LRRC4C: variants seen among roughly 807,000 people sequenced by gnomAD.
LRRC4C encodes leucine-rich repeat-containing protein 4C.
LRRC4C carries 5 observed loss-of-function variants against 33.6 expected under a neutral mutation model. The observed-to-expected ratio is 0.15, with a 90% confidence interval of 0.08 to 0.31. The LOEUF (loss-of-function observed/expected upper bound fraction) is 0.31. Among genes scored for constraint, LRRC4C ranks in the 10% least tolerant of loss-of-function variants. The pLI is 1.00. For synonymous variants in LRRC4C, 329 were observed against 302.0 expected, an observed-to-expected ratio of 1.09 and a Z score of -0.93; for missense variants, 560 against 796.7, an observed-to-expected ratio of 0.70 and a Z score of 3.58.
chr11:40,133,135 G>C (rs1033016581), intron 6 of LRRC4C, among the ~76,000 whole-genome samples: 4 of 152,142 alleles, frequency 2.6e-5, no homozygotes, highest in African/African-American at 9.7e-5. Context: ...TTGATGACTG[G>C]CTGGGAGGAG....
intron 1 of LRRC4C, among the ~76,000 whole-genome samples, chr11:41,403,094 A>C (rs12284206): frequency 0.079 from 12,050 of 152,096 alleles, 1,565 homozygotes; most frequent in African/African-American, 0.27. Flanking sequence ...AGAGTGCTGA[A>C]AACTATGGTG....
At chr11:40,724,059 T>C (rs1433626231) in intron 2 of LRRC4C, among the ~76,000 whole-genome samples, 1 of 151,496 alleles carries the variant, frequency 6.6e-6, no homozygotes, top group Admixed American at 6.6e-5. Flanking sequence ...ACAAGAAAGC[T>C]TAATTATCCT....
chr11:41,072,010 TA>T (rs963123092), intron 1 of LRRC4C, among the ~76,000 whole-genome samples: 5 of 152,098 alleles, frequency 3.3e-5, no homozygotes, highest in Non-Finnish European at 7.4e-5. Flanking sequence ...TGCAATTTCA[TA>T]AAAAAACTTG....
At chr11:41,168,199 A>C (rs879945224) in intron 1 of LRRC4C, among the ~76,000 whole-genome samples, 2 of 152,216 alleles carry the variant, frequency 1.3e-5, no homozygotes, top group Non-Finnish European at 2.9e-5. Context: ...GTGGATACTG[A>C]ATGACCACCA....
chr11:41,349,754 C>T (rs74421985), intron 1 of LRRC4C, among the ~76,000 whole-genome samples: 2,387 of 152,256 alleles, frequency 0.016, 61 homozygotes, highest in African/African-American at 0.053. Context: ...ACTCTAAATG[C>T]CACAGTGTCT....
At chr11:40,391,215 A>C (rs1243081748) in intron 3 of LRRC4C, among the ~76,000 whole-genome samples, 1 of 152,054 alleles carries the variant, frequency 6.6e-6, no homozygotes, top group Non-Finnish European at 1.5e-5. Context: ...TTTCCTTTTA[A>C]TATCTCAAAT....
chr11:40,868,423 C>G lies in LRRC4C; in HGVS notation c.-407+65212G>C, dbSNP rs1035831483. 3.3e-5 allele frequency among the ~76,000 whole-genome samples: 5 copies of G among 152,102 alleles called. No homozygotes were observed. In the South Asian group the frequency reaches 1.0e-3, roughly 31 times the overall value. On this transcript the variant is annotated intron_variant, in intron 2 of 6. Coordinates refer to ENST00000528697, the MANE Select transcript of LRRC4C (RefSeq NM_001258419.2). ...CTGGAAAGTCCTGTTTGTTCTCATT[C>G]CCATGGCAGAAATTCCTCCTACACC...
At chr11:41,013,153 C>T (rs375091374) in intron 1 of LRRC4C, among the ~76,000 whole-genome samples, 37 of 152,216 alleles carry the variant, frequency 2.4e-4, no homozygotes, top group African/African-American at 8.9e-4. Context: ...CGTAAGATTG[C>T]CCAGTGAAAT....
chr11:40,266,412 A>G (rs1230377382), intron 4 of LRRC4C, among the ~76,000 whole-genome samples: 3 of 152,176 alleles, frequency 2.0e-5, no homozygotes, highest in Non-Finnish European at 4.4e-5. Context: ...GGCTGCAGTG[A>G]GTCTTGATTG....
At chr11:40,740,765 A>G (rs1228852641) in intron 2 of LRRC4C, among the ~76,000 whole-genome samples, 3 of 152,054 alleles carry the variant, frequency 2.0e-5, no homozygotes, top group Non-Finnish European at 4.4e-5. Context: ...TTAAGATTTC[A>G]AGTCACAGCT....
chr11:40,897,867 G>A (rs1956018922), intron 2 of LRRC4C, among the ~76,000 whole-genome samples: 1 of 152,072 alleles, frequency 6.6e-6, no homozygotes, highest in African/African-American at 2.4e-5. Context: ...ATCGCTAACT[G>A]GCTACCCCAT....
intron 3 of LRRC4C, among the ~76,000 whole-genome samples, chr11:40,331,786 C>A (rs1946374724): frequency 6.6e-6 from 1 of 152,198 alleles, no homozygotes; most frequent in Non-Finnish European, 1.5e-5. Flanking sequence ...TTGCCCCAAA[C>A]CCTGCCATTC....
At chr11:40,143,379 AT>A (rs1011089202) in intron 5 of LRRC4C, among the ~76,000 whole-genome samples, 9 of 151,666 alleles carry the variant, frequency 5.9e-5, no homozygotes, top group African/African-American at 1.7e-4. Context: ...GCCAGTCATA[AT>A]TTTTTTTTCC....
At chr11:40,698,902 A>T (rs1299867740) in intron 2 of LRRC4C, among the ~76,000 whole-genome samples, 1 of 152,122 alleles carries the variant, frequency 6.6e-6, no homozygotes, top group African/African-American at 2.4e-5. Flanking sequence ...AACCGCCCCT[A>T]TGACTCAATT....
chr11:41,126,154 C>A (rs1250457455), intron 1 of LRRC4C, among the ~76,000 whole-genome samples: 1 of 151,950 alleles, frequency 6.6e-6, no homozygotes, highest in Non-Finnish European at 1.5e-5. Flanking sequence ...AACAAACCTG[C>A]AGGCCCTGCA....
At chr11:40,756,582 CA>C (rs1440928449) in intron 2 of LRRC4C, among the ~76,000 whole-genome samples, 2 of 151,990 alleles carry the variant, frequency 1.3e-5, no homozygotes, top group Admixed American at 1.3e-4. Flanking sequence ...TCTCCATATG[CA>C]AAATATCCTT....
chr11:40,258,385 G>A (rs1230738775), intron 4 of LRRC4C, among the ~76,000 whole-genome samples: 1 of 151,936 alleles, frequency 6.6e-6, no homozygotes, highest in East Asian at 1.9e-4. Context: ...GTATTTGGAG[G>A]GTGATAATTA....
chr11:40,194,960 G>A (rs374493432), intron 5 of LRRC4C, among the ~76,000 whole-genome samples: 16 of 151,980 alleles, frequency 1.1e-4, no homozygotes, highest in African/African-American at 3.9e-4. Flanking sequence ...GTGTGGTGGC[G>A]GGAGCCTGTA....
At chr11:40,124,970 A>AAG (rs1554949430) in intron 6 of LRRC4C, among the ~76,000 whole-genome samples, 1 of 150,400 alleles carries the variant, frequency 6.6e-6, no homozygotes, top group Non-Finnish European at 1.5e-5. Flanking sequence ...TTAAAAAAAG[A>AAG]ATATATATAT....
Sources: gnomAD v4.1 joint callset for allele counts (sites outside exome capture counted in the v4.1 genomes callset) on GRCh38, gnomAD v4.1.1 for gene constraint, MANE v1.5 for transcripts, NCBI Gene and HGNC (gene_info 2026-07-23, HGNC 2026-07-21) for gene names.